The following PARP1 variants were observed in gnomAD, a reference collection of about 807,000 sequenced individuals.
The protein encoded by PARP1 is poly [ADP-ribose] polymerase 1.
In PARP1, 44 loss-of-function variants were observed where a neutral mutation model predicts 118.7. The ratio of observed to expected loss-of-function variants is 0.37; its 90% CI spans 0.29 to 0.48. The LOEUF is 0.48. Ranked by LOEUF, PARP1 falls within the 20% of genes least tolerant of loss-of-function variation. PARP1 has a pLI of 0.99. For missense variants in PARP1, 1,100 were observed against 1,272.4 expected, an observed-to-expected ratio of 0.86 and a Z score of 2.06; for synonymous variants, 492 against 483.2, an observed-to-expected ratio of 1.02 and a Z score of -0.24.
At chr1:226,387,285 T>C (rs1040863762) in intron 5 of PARP1, among the ~76,000 whole-genome samples, 8 of 152,172 alleles carry the variant, frequency 5.3e-5, no homozygotes, top group Admixed American at 5.2e-4. Context: ...GCACCCGGCC[T>C]CATCTCATTT....
At chr1:226,385,387 T>A in intron 7 of PARP1, 117 bp downstream of exon 7, 1 of 836,366 alleles carries the variant, frequency 1.2e-6, no homozygotes, top group East Asian at 2.5e-5. Context: ...GACGCAGCTG[T>A]AAAGAAGTCT....
At chr1:226,368,656 G>T (rs1664320510) in intron 15 of PARP1, among the ~76,000 whole-genome samples, 2 of 152,190 alleles carry the variant, frequency 1.3e-5, no homozygotes, top group African/African-American at 4.8e-5. Context: ...AATGACTATT[G>T]CTGTAAAATT....
At position 226,365,991 on chromosome 1, in the gene PARP1, G is replaced by C. The variant is rs759131733; in HGVS notation, c.2468C>G (p.Ala823Gly). Residue 823 changes from alanine (A) to glycine (G), a missense_variant, in exon 18 of 23, where the codon GCA becomes GGA. This residue lies in a region of PARP1 where 948 missense variants were observed against 1,031.8 expected (regional missense o/e 0.92). Coordinates refer to ENST00000366794, the MANE Select transcript of PARP1 (RefSeq NM_001618.4). ...CAAGTCATACGCATTGTGTGTGGTT[G>C]CATGAGTGTTCTTAACATACTTCCT... The part of the protein sequence containing the change: ...IIRKYVKNTH[A>G]TTHNAYDLEV... The C allele has an allele frequency of 5.0e-6, 8 of 1,613,010 alleles. No homozygotes were observed. In the South Asian group the frequency reaches 5.5e-5, roughly 11 times the overall value.
intron 2 of PARP1, among the ~76,000 whole-genome samples, chr1:226,399,936 G>A (rs751110639): frequency 1.3e-5 from 2 of 152,016 alleles, no homozygotes; most frequent in Non-Finnish European, 2.9e-5. Context: ...CTGGGAGGCG[G>A]AGCTTACGGT....
Position 226,390,430 on chromosome 1 carries a change from G to A in PARP1, c.597C>T (p.Leu199=). Reference sequence around the variant, plus strand: ...CCCACCCTTCACTCTTGACTCCTGGGAGCTGCTTCTTCAGGGCTTCTTTAT... The same window carrying A: ...CCCACCCTTCACTCTTGACTCCTGGAAGCTGCTTCTTCAGGGCTTCTTTAT... The part of the protein sequence containing the change: ...TEDKEALKKQ[L]PGVKSEGKRK... The change falls in exon 4 of 23, where the codon CTC becomes CTT. Residue 199 remains leucine (L), a synonymous_variant. Coordinates refer to ENST00000366794, the MANE Select transcript of PARP1 (RefSeq NM_001618.4). 6.2e-7 allele frequency: 1 copy of A among 1,613,884 alleles called. No individual in the cohort carries two copies. Among genetic ancestry groups the A allele is most frequent in the Non-Finnish European group, 8.5e-7 (1 of 1,180,024 alleles).
At chr1:226,367,099 A>G (rs757204882) in intron 17 of PARP1, 3 of 305,158 alleles carry the variant, frequency 9.8e-6, no homozygotes, top group African/African-American at 2.2e-5. Context: ...GACACCGGTA[A>G]TAAGTCTTCT....
chr1:226,364,287 T>C, intron 19 of PARP1: 1 of 538,192 alleles, frequency 1.9e-6, no homozygotes, highest in Non-Finnish European at 3.5e-6. Flanking sequence ...TGCAAGAAGC[T>C]ACGTAACCTC....
At chr1:226,368,956 C>T (rs979637467) in intron 15 of PARP1, among the ~76,000 whole-genome samples, 2 of 152,184 alleles carry the variant, frequency 1.3e-5, no homozygotes, top group African/African-American at 4.8e-5. Context: ...TAGGTGACCA[C>T]AGGAAGGTCA....
intron 3 of PARP1, 100 bp downstream of exon 3, chr1:226,392,099 G>T: frequency 1.2e-6 from 1 of 817,350 alleles, no homozygotes; most frequent in Non-Finnish European, 2.2e-6. Flanking sequence ...CGTTGAGCTA[G>T]CACCCTAAAG....
intron 1 of PARP1, among the ~76,000 whole-genome samples, 193 bp from the exon 2 acceptor site, chr1:226,402,572 T>C (rs1335393642): frequency 3.3e-5 from 5 of 152,234 alleles, no homozygotes; most frequent in Non-Finnish European, 7.3e-5. Flanking sequence ...CTTCTCACGA[T>C]CTTCCCCAAG....
rs769854357 is a variant in PARP1 at position 226,383,016 on chromosome 1, C to G, written c.1159+20G>C. The stretch of plus-strand genomic sequence containing the variant: ...AATTCCTGCAAAGCAGCTCTAAGAC[C>G]GGGGTCCCAAATGCTGTACCTGCTG... On this transcript the variant is annotated intron_variant, in intron 8 of 22. Transcript: ENST00000366794. The G allele has an allele frequency of 1.6e-5, 25 of 1,612,166 alleles. No individual in the cohort carries two copies. The South Asian group carries it at 2.5e-4, about 16-fold the overall frequency.
intron 14 of PARP1, chr1:226,370,771 T>C (rs1184003898): frequency 2.0e-5 from 11 of 544,014 alleles, no homozygotes; most frequent in Non-Finnish European, 3.4e-5. Context: ...TCTGCCCCTA[T>C]GCCCAGTTTC....
At chr1:226,365,901 C>G (rs1387619465) in intron 18 of PARP1, 53 bp downstream of exon 18, 2 of 1,182,352 alleles carry the variant, frequency 1.7e-6, no homozygotes, top group Admixed American at 3.4e-5. Flanking sequence ...GAGGAGTGGG[C>G]AGGGAAGAGC....
chr1:226,364,135 G>A (rs2102726325), intron 19 of PARP1, 65 bp from the exon 20 acceptor site: 3 of 1,561,822 alleles, frequency 1.9e-6, no homozygotes, highest in Non-Finnish European at 2.6e-6. Context: ...GCTGTTCACT[G>A]AGTGCCAACT....
chr1:226,401,910 G>C (rs1016073108), intron 2 of PARP1: 2 of 1,290,174 alleles, frequency 1.6e-6, no homozygotes, highest in Non-Finnish European at 2.1e-6. Context: ...GGGAGGGGGA[G>C]GGGGTACTGG....
intron 6 of PARP1, 35 bp downstream of exon 6, chr1:226,386,291 A>G (rs747706519): frequency 7.6e-7 from 1 of 1,312,066 alleles, no homozygotes; most frequent in Admixed American, 1.7e-5. Flanking sequence ...GGTCGGCCTC[A>G]CATGCGTGTC....
intron 22 of PARP1, 69 bp from the exon 23 acceptor site, chr1:226,361,610 C>A: frequency 8.7e-7 from 1 of 1,150,058 alleles, no homozygotes; most frequent in East Asian, 2.4e-5. Context: ...CTCATCTCCC[C>A]CAGGCTGGCA....
chr1:226,379,711 C>T, intron 10 of PARP1, 70 bp from the exon 11 acceptor site: 3 of 1,381,258 alleles, frequency 2.2e-6, no homozygotes, highest in South Asian at 1.2e-5. Flanking sequence ...AGGTAGAAGG[C>T]AAATGAGTTG....
chr1:226,368,436 G>A (rs1664316514), intron 15 of PARP1, 115 bp from the exon 16 acceptor site: 1 of 1,332,518 alleles, frequency 7.5e-7, no homozygotes, highest in Admixed American at 1.8e-5. Flanking sequence ...AGCGTGGTAT[G>A]TGCACATGCC....
Sources: gnomAD v4.1 joint callset for allele counts (sites outside exome capture counted in the v4.1 genomes callset) on GRCh38, gnomAD v4.1.1 for gene constraint, gnomAD v4.1.1 regional missense constraint, MANE v1.5 for transcripts, NCBI Gene and HGNC (gene_info 2026-07-23, HGNC 2026-07-21) for gene names.